The following PCDHA2 variants were observed in gnomAD, a reference collection of about 807,000 sequenced individuals.
The protein encoded by PCDHA2 is protocadherin alpha-2.
PCDHA2 carries 58 observed loss-of-function variants against 66.0 expected under a neutral mutation model. The ratio of observed to expected loss-of-function variants is 0.88; its 90% CI spans 0.71 to 1.09. The LOEUF is 1.09. Among genes scored for constraint, PCDHA2 ranks in the 50% least tolerant of loss-of-function variants. The pLI is 0.00. For missense variants in PCDHA2, 1,267 were observed against 1,242.3 expected (o/e 1.02, Z -0.30); for synonymous variants, 634 against 554.0 (o/e 1.14, Z -2.03).
At chr5:140,982,688 ATACATACATGATTTCCT>A in intron 3 of PCDHA2, 125 bp downstream of exon 3, 1 of 1,415,764 alleles carries the variant, frequency 7.1e-7, no homozygotes, top group African/African-American at 1.4e-5. Flanking sequence ...CCTTTTTTCC[ATACATACATGATTTCCT>A]TACATATATG....
At chr5:140,885,427 G>A (rs1276398573) in intron 1 of PCDHA2, among the ~76,000 whole-genome samples, 1 of 152,092 alleles carries the variant, frequency 6.6e-6, no homozygotes, top group Admixed American at 6.5e-5. Flanking sequence ...ATTCCACAGT[G>A]TAAGTGTGCA....
chr5:140,904,940 A>G (rs368833420), intron 1 of PCDHA2, among the ~76,000 whole-genome samples: 1 of 152,136 alleles, frequency 6.6e-6, no homozygotes, highest in African/African-American at 2.4e-5. Context: ...TCTGGATATT[A>G]GTCCTTTGTC....
In PCDHA2 at chr5:140,871,116, C is replaced by A. The variant is rs200344692; in HGVS notation, c.2388+73764C>A. On this transcript the variant is annotated intron_variant, in intron 1 of 3. Transcript: ENST00000526136. The stretch of plus-strand genomic sequence containing the variant: ...CCGTGCTGGTGTCGTTGGTGGAGAG[C>A]GGACAGGCGCCAAAGGCCTCTTCCC... The A allele has an allele frequency of 4.3e-4, 686 of 1,613,264 alleles. 1 individual carries two copies. Among genetic ancestry groups the A allele is most frequent in the Middle Eastern group, 2.1e-3 (13 of 6,062 alleles).
chr5:140,809,608 T>C, intron 1 of PCDHA2: 1 of 1,524,700 alleles, frequency 6.6e-7, no homozygotes, highest in Non-Finnish European at 8.8e-7. Context: ...AATTTTCGTA[T>C]TGTTTTTCTC....
At chr5:140,814,542 C>T (rs1765537891) in intron 1 of PCDHA2, 1 of 151,272 alleles carries the variant, frequency 6.6e-6, no homozygotes, top group Non-Finnish European at 1.5e-5. Flanking sequence ...AAAGCAGTAA[C>T]ATTTACTATC....
At chr5:140,829,950 T>C (rs1770704660) in intron 1 of PCDHA2, 1 of 1,613,960 alleles carries the variant, frequency 6.2e-7, no homozygotes, top group Non-Finnish European at 8.5e-7. Context: ...AGCGCTCGCT[T>C]CCCGTTTCGC....
intron 1 of PCDHA2, among the ~76,000 whole-genome samples, chr5:140,799,800 G>A (rs1462237906): frequency 6.6e-6 from 1 of 152,002 alleles, no homozygotes; most frequent in Non-Finnish European, 1.5e-5. Context: ...TCACATGTTT[G>A]ATTTCATTTT....
In PCDHA2 at chr5:141,009,726, C is replaced by A. The variant is rs373683237; in HGVS notation, c.2636C>A (p.Pro879His). Residue 879 changes from proline to histidine, a missense_variant, in exon 4 of 4, where the codon CCC (proline) becomes CAC (histidine). By Grantham distance (77) the Pro-to-His change is moderately conservative (BLOSUM62 -2). Coordinates refer to ENST00000526136, the MANE Select transcript of PCDHA2 (RefSeq NM_018905.3). ...YGPGNPKQSGPGELPDKFIIP... is the reference protein window; with the variant it reads ...YGPGNPKQSGHGELPDKFIIP... The stretch of plus-strand genomic sequence containing the variant: ...CCAGGCAACCCCAAACAATCCGGTC[C>A]CGGTGAGTTGCCCGACAAATTCATT... 85 of 1,614,016 alleles carry A rather than the reference C, an allele frequency of 5.3e-5. No individual in the cohort carries two copies. Among genetic ancestry groups the A allele is most frequent in the Non-Finnish European group, 4.4e-5 (52 of 1,180,032 alleles).
Position 140,849,766 on chromosome 5 carries a change from T to C in PCDHA2, c.2388+52414T>C. 1.9e-6 allele frequency: 3 copies of C among 1,598,326 alleles called. 1 individual carries two copies. Among genetic ancestry groups the C allele is most frequent in the Middle Eastern group, 1.7e-4 (1 of 5,858 alleles). On this transcript the variant is annotated intron_variant, in intron 1 of 3. Coordinates refer to ENST00000526136, the MANE Select transcript of PCDHA2 (RefSeq NM_018905.3). The stretch of plus-strand genomic sequence containing the variant: ...GAGAGTGTGTCCGCCTACGAGCTGG[T>C]GGTTACCGCGCGGGACGGGGGCTCG...
chr5:140,981,141 A>G (rs957272254), intron 2 of PCDHA2, among the ~76,000 whole-genome samples: 2 of 152,242 alleles, frequency 1.3e-5, no homozygotes, highest in African/African-American at 4.8e-5. Flanking sequence ...AAAGAGTGAG[A>G]AAACATTGAA....
intron 1 of PCDHA2, chr5:140,853,806 A>T: frequency 4.1e-6 from 4 of 986,824 alleles, no homozygotes; most frequent in Non-Finnish European, 4.9e-6. Context: ...TTTAAAGCAC[A>T]CCTGAGATGA....
At chr5:140,857,986 A>C in intron 1 of PCDHA2, 1 of 1,596,686 alleles carries the variant, frequency 6.3e-7, no homozygotes, top group South Asian at 1.1e-5. Flanking sequence ...GCCAGCGCCT[A>C]CTGGTGCTGG....
intron 1 of PCDHA2, among the ~76,000 whole-genome samples, chr5:140,840,557 C>A (rs1199062901): frequency 2.6e-5 from 4 of 151,962 alleles, no homozygotes; most frequent in Non-Finnish European, 5.9e-5. Context: ...GGCAATACTG[C>A]TAGAGTTTGG....
At chr5:140,968,808 T>C in intron 1 of PCDHA2, 1 of 1,614,204 alleles carries the variant, frequency 6.2e-7, no homozygotes, top group South Asian at 1.1e-5. Context: ...GTAGCTGTGG[T>C]GGATAGGGTT....
chr5:140,928,459 T>C (rs2085267166), intron 1 of PCDHA2: 1 of 1,614,106 alleles, frequency 6.2e-7, no homozygotes, highest in Non-Finnish European at 8.5e-7. Flanking sequence ...GGGGTTTCAT[T>C]TCCAAGTAGA....
intron 1 of PCDHA2, among the ~76,000 whole-genome samples, chr5:140,961,980 T>C (rs909552255): frequency 6.6e-6 from 1 of 151,768 alleles, no homozygotes; most frequent in Non-Finnish European, 1.5e-5. Context: ...GCCTCCTGGG[T>C]TCACGCCATT....
rs2150347171 is a variant in PCDHA2, at chr5:140,842,877, C to T, written c.2388+45525C>T. On this transcript the variant is annotated intron_variant, in intron 1 of 3. Coordinates refer to ENST00000526136, the MANE Select transcript of PCDHA2 (RefSeq NM_018905.3). Reference sequence around the variant, plus strand: ...CACACGGAGAGCGGCAAGGTGTACGCGCTGCAGCCGCTGGACCACGAGGAG... The same window carrying T: ...CACACGGAGAGCGGCAAGGTGTACGTGCTGCAGCCGCTGGACCACGAGGAG... 18 of 1,593,980 alleles carry T rather than the reference C, an allele frequency of 1.1e-5. 2 individuals carry two copies. Among genetic ancestry groups the T allele is most frequent in the Non-Finnish European group, 1.5e-5 (18 of 1,165,432 alleles).
At chr5:140,911,677 C>T (rs904570548) in intron 1 of PCDHA2, among the ~76,000 whole-genome samples, 4 of 152,118 alleles carry the variant, frequency 2.6e-5, no homozygotes, top group African/African-American at 7.2e-5. Flanking sequence ...TCTCACGAAC[C>T]GTGCATCAGG....
chr5:140,976,466 G>C (rs1404890940), intron 1 of PCDHA2, among the ~76,000 whole-genome samples: 1 of 152,104 alleles, frequency 6.6e-6, no homozygotes, highest in African/African-American at 2.4e-5. Flanking sequence ...AAGAAGAATT[G>C]CTTGAATCCG....
Sources: allele counts gnomAD v4.1 joint callset (sites outside exome capture counted in the v4.1 genomes callset), GRCh38; gene constraint gnomAD v4.1.1; transcripts MANE v1.5; gene names NCBI Gene and HGNC (gene_info 2026-07-23, HGNC 2026-07-21).